CNOT7: variants seen among roughly 807,000 people sequenced by gnomAD.
The protein encoded by CNOT7 is BTG1-binding factor 1.
A neutral mutation model predicts 37.1 loss-of-function variants in CNOT7; 4 were observed. That is an observed-to-expected ratio of 0.11 (90% CI 0.05 to 0.25). The LOEUF (loss-of-function observed/expected upper bound fraction) is 0.25. Among genes scored for constraint, CNOT7 ranks in the 10% least tolerant of loss-of-function variants. The pLI is 1.00. For missense variants in CNOT7, 170 were observed against 336.2 expected, an observed-to-expected ratio of 0.51 and a Z score of 3.87; for synonymous variants, 128 against 115.6, an observed-to-expected ratio of 1.11 and a Z score of -0.69.
At chr8:17,244,928 G>A (rs148988960) in intron 2 of CNOT7, 108 bp downstream of exon 2, 2 of 910,764 alleles carry the variant, frequency 2.2e-6, no homozygotes, top group East Asian at 2.5e-5. Context: ...ACTTTTCATG[G>A]TGAAATTAAT....
Position 17,243,198 on chromosome 8 carries a change from T to C in CNOT7, c.118-13A>G, listed in dbSNP as rs759108790. The C allele has an allele frequency of 6.3e-7, 1 of 1,574,886 alleles. No homozygotes were observed. The highest frequency in any genetic ancestry group is 8.6e-7 in the Non-Finnish European group (1 of 1,166,784). On this transcript the variant is annotated splice_polypyrimidine_tract_variant and intron_variant, in intron 2 of 6. Transcript: ENST00000361272. ...GAAACTCGGTGTCCTGTAAAATAGTTTTAAGATTCATTATGTACTAAACAG... is the reference window on the plus strand; with the variant it reads ...GAAACTCGGTGTCCTGTAAAATAGTCTTAAGATTCATTATGTACTAAACAG...
Position 17,230,585 on chromosome 8 carries a change from G to A in CNOT7, c.*135C>T. On this transcript the variant is annotated 3_prime_UTR_variant, in exon 7 of 7. Coordinates refer to ENST00000361272, the MANE Select transcript of CNOT7 (RefSeq NM_013354.7). ...GATAGGAACGGTCATACTTAGTACT[G>A]AAAGGCAGACAATAAAATGGGCCAT... The A allele has an allele frequency of 1.5e-5, 9 of 597,970 alleles. No homozygotes were observed. Among genetic ancestry groups the A allele is most frequent in the Non-Finnish European group, 2.4e-5 (9 of 368,046 alleles). The allele number at this position is 597,970 out of a possible 1,614,324, so 37.0% of individuals were successfully genotyped here. A position where few individuals can be genotyped will look rare whatever the true frequency, so the allele number is the denominator to read the frequency against.
rs1162065547 is a variant in CNOT7, at chr8:17,225,904, T to C, written c.*4816A>G. On this transcript the variant is annotated 3_prime_UTR_variant, in exon 7 of 7. Transcript: ENST00000361272. ...TTATAGACATGAGATAACATATGCA[T>C]TCATAATTTGATTCCACCTCAGGTT... 1 of 151,608 alleles carries C rather than the reference T, an allele frequency of 6.6e-6. No individual in the cohort carries two copies. The highest frequency in any genetic ancestry group is 1.5e-5 in the Non-Finnish European group (1 of 67,666). The allele number at this position is 151,608 out of a possible 1,614,324, so 9.4% of individuals were successfully genotyped here. A position where few individuals can be genotyped will look rare whatever the true frequency, so the allele number is the denominator to read the frequency against.
In CNOT7 at chr8:17,225,319, A is replaced by T. The variant is rs1267501970; in HGVS notation, c.*5401T>A. The T allele has an allele frequency of 6.6e-6, 1 of 151,720 alleles. No homozygotes were observed. The highest frequency in any genetic ancestry group is 1.5e-5 in the Non-Finnish European group (1 of 67,686). The allele number at this position is 151,720 out of a possible 1,614,324, so 9.4% of individuals were successfully genotyped here. On this transcript the variant is annotated 3_prime_UTR_variant, in exon 7 of 7. Coordinates refer to ENST00000361272, the MANE Select transcript of CNOT7 (RefSeq NM_013354.7). ...AGTGAATTTCCCCTCCTATGACAATAAAGCAAGAGGGCAGATTATATTCAT... is the reference window on the plus strand; with the variant it reads ...AGTGAATTTCCCCTCCTATGACAATTAAGCAAGAGGGCAGATTATATTCAT...
intron 5 of CNOT7, among the ~76,000 whole-genome samples, chr8:17,233,352 G>A (rs187015191): frequency 2.0e-4 from 30 of 152,306 alleles, no homozygotes; most frequent in African/African-American, 4.8e-4. Flanking sequence ...TTGCTTCTGC[G>A]CTAAAAATAG....
At chr8:17,241,927 T>G (rs185784625) in intron 3 of CNOT7, 2 of 152,332 alleles carry the variant, frequency 1.3e-5, no homozygotes, top group East Asian at 3.9e-4. Context: ...AGATAATTAT[T>G]TGCTCCATTA....
At chr8:17,245,286 C>T in intron 1 of CNOT7, 39 bp from the exon 2 acceptor site, 1 of 865,122 alleles carries the variant, frequency 1.2e-6, no homozygotes, top group Admixed American at 3.7e-5. Flanking sequence ...CCAGATATAT[C>T]AAATCTGAAT....
At chr8:17,231,195 G>A (rs1404039865) in intron 6 of CNOT7, among the ~76,000 whole-genome samples, 2 of 152,090 alleles carry the variant, frequency 1.3e-5, no homozygotes, top group Non-Finnish European at 2.9e-5. Flanking sequence ...GGGAAAAAAA[G>A]TTTAGGTTCA....
At chr8:17,232,649 G>C (rs1316631970) in intron 5 of CNOT7, 112 bp from the exon 6 acceptor site, 1 of 856,458 alleles carries the variant, frequency 1.2e-6, no homozygotes, top group African/African-American at 1.7e-5. Flanking sequence ...GTATGTAAAG[G>C]TGAATCTTAT....
At chr8:17,231,116 TCA>T (rs1808544287) in intron 6 of CNOT7, among the ~76,000 whole-genome samples, 1 of 152,132 alleles carries the variant, frequency 6.6e-6, no homozygotes, top group Non-Finnish European at 1.5e-5. Flanking sequence ...TAAGAATTTT[TCA>T]TCATGGAAAA....
chr8:17,233,916 G>A (rs113484648), intron 5 of CNOT7, among the ~76,000 whole-genome samples: 197 of 152,262 alleles, frequency 1.3e-3, no homozygotes, highest in African/African-American at 4.5e-3. Context: ...AGCTGGGTGT[G>A]GTGATGGACA....
chr8:17,237,891 T>C (rs545534955), intron 3 of CNOT7, among the ~76,000 whole-genome samples: 1 of 152,264 alleles, frequency 6.6e-6, no homozygotes, highest in Non-Finnish European at 1.5e-5. Flanking sequence ...AAGAAGGAGA[T>C]GCCTCCTTTC....
In CNOT7 at chr8:17,245,021, T is replaced by C. The variant is rs766492823; in HGVS notation, c.117+15A>G. 35 of 1,594,030 alleles carry C rather than the reference T, an allele frequency of 2.2e-5. No individual in the cohort carries two copies. Among genetic ancestry groups the C allele is most frequent in the African/African-American group, 2.7e-5 (2 of 74,166 alleles). On this transcript the variant is annotated intron_variant, in intron 2 of 6. Coordinates refer to ENST00000361272, the MANE Select transcript of CNOT7 (RefSeq NM_013354.7). ...CTTTATATGAAGCGTTTTAAAGATC[T>C]GCTTGTGGGCATACCATAGCAACGT...
intron 3 of CNOT7, among the ~76,000 whole-genome samples, chr8:17,237,970 T>C (rs961488221): frequency 1.3e-5 from 2 of 152,230 alleles, no homozygotes; most frequent in Non-Finnish European, 2.9e-5. Flanking sequence ...ATAGCAATAA[T>C]TTCTTCTGCC....
intron 2 of CNOT7, 90 bp downstream of exon 2, chr8:17,244,946 A>T (rs553100300): frequency 6.3e-4 from 681 of 1,088,578 alleles, no homozygotes; most frequent in Non-Finnish European, 8.7e-4. Context: ...AATCCCTAAA[A>T]ATATCAACCA....
At chr8:17,236,017 A>G (rs1809307107) in intron 4 of CNOT7, among the ~76,000 whole-genome samples, 1 of 152,194 alleles carries the variant, frequency 6.6e-6, no homozygotes, top group Non-Finnish European at 1.5e-5. Flanking sequence ...TTGCACCTTC[A>G]TATCTAGGGA....
chr8:17,243,279 G>C, intron 2 of CNOT7, 94 bp from the exon 3 acceptor site: 1 of 922,796 alleles, frequency 1.1e-6, no homozygotes, highest in African/African-American at 1.7e-5. Context: ...GAATCCTACA[G>C]ATGATATTCT....
intron 4 of CNOT7, among the ~76,000 whole-genome samples, chr8:17,236,968 CT>C (rs1809452660): frequency 6.6e-6 from 1 of 152,182 alleles, no homozygotes; most frequent in Non-Finnish European, 1.5e-5. Context: ...GGGTCTTTCA[CT>C]TTTTAGAGAA....
chr8:17,242,853 T>C (rs1810377057), intron 3 of CNOT7, 139 bp downstream of exon 3: 3 of 491,820 alleles, frequency 6.1e-6, no homozygotes, highest in Admixed American at 4.3e-5. Context: ...AACCACGCTT[T>C]TGAAATGTTA....
Sources: gnomAD v4.1 joint callset for allele counts (sites outside exome capture counted in the v4.1 genomes callset) on GRCh38, gnomAD v4.1.1 for gene constraint, MANE v1.5 for transcripts, NCBI Gene and HGNC (gene_info 2026-07-23, HGNC 2026-07-21) for gene names.